The following ARNT2 variants were observed in gnomAD, a reference collection of about 807,000 sequenced individuals.
ARNT2 encodes ARNT protein 2.
In ARNT2, 36 loss-of-function variants were observed where a neutral mutation model predicts 91.7. The ratio of observed to expected loss-of-function variants is 0.39; its 90% CI spans 0.30 to 0.52. The LOEUF (loss-of-function observed/expected upper bound fraction) is 0.52. Among genes scored for constraint, ARNT2 ranks in the 20% least tolerant of loss-of-function variants. ARNT2 has a pLI of 0.72. For synonymous variants in ARNT2, 365 were observed against 347.1 expected (o/e 1.05, Z -0.57); for missense variants, 775 against 939.3 (o/e 0.83, Z 2.29).
chr15:80,441,742 A>G (rs1338105477), intron 1 of ARNT2, among the ~76,000 whole-genome samples: 1 of 152,188 alleles, frequency 6.6e-6, no homozygotes, highest in African/African-American at 2.4e-5. Flanking sequence ...ACACTGTATT[A>G]TAGGAATTCT....
chr15:80,587,791 G>A lies in ARNT2; in HGVS notation c.1919-3777G>A, dbSNP rs116331492. Among the ~76,000 whole-genome samples the A allele has an allele frequency of 3.7e-3, 571 of 152,328 alleles. 6 individuals are homozygous for A. Among genetic ancestry groups the A allele is most frequent in the African/African-American group, 0.013 (553 of 41,568 alleles). ...GATGTACATGACAGAAAGAACACATGTGCAGTAGCACAGAGATGTAACTGC... is the reference window on the plus strand; with the variant it reads ...GATGTACATGACAGAAAGAACACATATGCAGTAGCACAGAGATGTAACTGC... On this transcript the variant is annotated intron_variant, in intron 17 of 18. Transcript: ENST00000303329.
At chr15:80,579,352 T>A (rs1898749045) in intron 15 of ARNT2, among the ~76,000 whole-genome samples, 1 of 152,234 alleles carries the variant, frequency 6.6e-6, no homozygotes, top group African/African-American at 2.4e-5. Flanking sequence ...CCCCTTTATA[T>A]AAGCCACTGA....
intron 8 of ARNT2, among the ~76,000 whole-genome samples, chr15:80,537,729 C>T (rs1299009366): frequency 6.6e-6 from 1 of 152,200 alleles, no homozygotes; most frequent in Non-Finnish European, 1.5e-5. Flanking sequence ...TCCCAACCTC[C>T]AGTACAGTTA....
intron 11 of ARNT2, among the ~76,000 whole-genome samples, chr15:80,558,139 C>T (rs921590157): frequency 2.0e-5 from 3 of 152,136 alleles, no homozygotes; most frequent in Non-Finnish European, 2.9e-5. Context: ...TATCCTTCAG[C>T]TTTCCACTCA....
intron 6 of ARNT2, among the ~76,000 whole-genome samples, chr15:80,511,407 G>T (rs1489284585): frequency 6.6e-6 from 1 of 151,904 alleles, no homozygotes. Flanking sequence ...AAGAACATCA[G>T]GAAAAATAAC....
intron 8 of ARNT2, among the ~76,000 whole-genome samples, chr15:80,531,965 A>C (rs764553665): frequency 1.4e-4 from 22 of 152,142 alleles, no homozygotes; most frequent in Non-Finnish European, 2.8e-4. Context: ...TCAGCCACAG[A>C]AGAAGCCAGC....
Position 80,449,822 on chromosome 15 carries a change from AC to A in ARNT2, c.32-1056del, listed in dbSNP as rs1210922792. 3.9e-5 allele frequency among the ~76,000 whole-genome samples: 6 copies of A among 152,326 alleles called. No individual in the cohort carries two copies. The East Asian group carries it at 1.2e-3, about 29-fold the overall frequency. Reference sequence around the variant, plus strand: ...ACACCAACCATGCACTGTCAACATCACCAGGCATCTCTCTCCACTAAGAAGG... The same window carrying A: ...ACACCAACCATGCACTGTCAACATCACAGGCATCTCTCTCCACTAAGAAGG... On this transcript the variant is annotated intron_variant, in intron 1 of 18. Coordinates refer to ENST00000303329, the MANE Select transcript of ARNT2 (RefSeq NM_014862.4).
At chr15:80,456,428 C>A (rs957884533) in intron 2 of ARNT2, among the ~76,000 whole-genome samples, 5 of 152,156 alleles carry the variant, frequency 3.3e-5, no homozygotes, top group African/African-American at 1.2e-4. Flanking sequence ...ACCAGAGATT[C>A]CAAATTAGCA....
intron 1 of ARNT2, among the ~76,000 whole-genome samples, chr15:80,431,922 C>G (rs745904676): frequency 1.3e-5 from 2 of 151,986 alleles, no homozygotes; most frequent in Non-Finnish European, 2.9e-5. Context: ...AAGTAGCTCT[C>G]TGAAGCAACC....
chr15:80,442,577 G>A (rs938392101), intron 1 of ARNT2, among the ~76,000 whole-genome samples: 15 of 152,214 alleles, frequency 9.9e-5, no homozygotes, highest in Admixed American at 7.9e-4. Context: ...CTCTGCAAAA[G>A]GAAATAATGT....
chr15:80,546,840 G>A (rs577188909), intron 8 of ARNT2, among the ~76,000 whole-genome samples: 1 of 152,120 alleles, frequency 6.6e-6, no homozygotes, highest in African/African-American at 2.4e-5. Context: ...GCAGGCGCCT[G>A]TAATCCCAGC....
chr15:80,551,449 G>C (rs565289015), intron 9 of ARNT2, among the ~76,000 whole-genome samples, 174 bp downstream of exon 9: 1 of 152,344 alleles, frequency 6.6e-6, no homozygotes, highest in East Asian at 1.9e-4. Context: ...GAAGGGGACT[G>C]TGAGCTGTAA....
At chr15:80,521,153 G>C (rs1897539329) in intron 8 of ARNT2, among the ~76,000 whole-genome samples, 1 of 152,140 alleles carries the variant, frequency 6.6e-6, no homozygotes, top group Non-Finnish European at 1.5e-5. Context: ...TGATGATTCA[G>C]ATGATTCTGA....
intron 1 of ARNT2, among the ~76,000 whole-genome samples, chr15:80,412,735 C>T (rs1318173892): frequency 6.6e-6 from 1 of 152,168 alleles, no homozygotes; most frequent in Non-Finnish European, 1.5e-5. Flanking sequence ...TATTGAACAT[C>T]CCCGTATATG....
intron 1 of ARNT2, among the ~76,000 whole-genome samples, chr15:80,430,254 T>C (rs964768569): frequency 2.6e-5 from 4 of 152,054 alleles, no homozygotes; most frequent in Admixed American, 6.5e-5. Context: ...AGATCCTGAG[T>C]TGGAGATCTC....
chr15:80,419,044 A>T (rs574588530), intron 1 of ARNT2, among the ~76,000 whole-genome samples: 1 of 152,314 alleles, frequency 6.6e-6, no homozygotes, highest in South Asian at 2.1e-4. Context: ...ATATTCCAGC[A>T]CTGGAAACAA....
In ARNT2 at chr15:80,529,626, C is replaced by T. The variant is rs1012672898; in HGVS notation, c.877+15221C>T. On this transcript the variant is annotated intron_variant, in intron 8 of 18. Transcript: ENST00000303329. ...GTTTTCCTTCATTTTCATTATTGCC[C>T]GGTGGGCTGTTTTGGTTTGCAGACT... is the stretch of plus-strand genomic sequence containing the variant. Among the ~76,000 whole-genome samples the T allele has an allele frequency of 5.3e-5, 8 of 151,666 alleles. No homozygotes were observed. In the East Asian group the frequency reaches 7.7e-4, roughly 15 times the overall value.
At chr15:80,504,861 C>T (rs1028096393) in intron 5 of ARNT2, among the ~76,000 whole-genome samples, 2 of 151,684 alleles carry the variant, frequency 1.3e-5, no homozygotes, top group Non-Finnish European at 2.9e-5. Flanking sequence ...GAGAGTGGCA[C>T]ACTGGGGAGC....
chr15:80,443,105 A>T (rs1896220131), intron 1 of ARNT2: 1 of 885,538 alleles, frequency 1.1e-6, no homozygotes, highest in Middle Eastern at 5.8e-4. Context: ...CTCCTTGAGG[A>T]GTGATATTTG....
Sources: gnomAD v4.1 joint callset for allele counts (sites outside exome capture counted in the v4.1 genomes callset) on GRCh38, gnomAD v4.1.1 for gene constraint, MANE v1.5 for transcripts, NCBI Gene and HGNC (gene_info 2026-07-23, HGNC 2026-07-21) for gene names.